The following WNT7A variants were observed in gnomAD, a reference collection of about 807,000 sequenced individuals.
WNT7A encodes the protein protein Wnt-7a.
WNT7A carries 16 observed loss-of-function variants against 28.2 expected under a neutral mutation model. That is an observed-to-expected ratio of 0.57 (90% confidence interval 0.38 to 0.86). WNT7A has a LOEUF of 0.86. Among genes scored for constraint, WNT7A ranks in the 40% least tolerant of loss-of-function variants. WNT7A has a pLI of 0.00. For missense variants in WNT7A, 411 were observed against 489.7 expected (o/e 0.84, Z 1.52); for synonymous variants, 190 against 195.9 (o/e 0.97, Z 0.25).
At chr3:13,875,241 T>C (rs977169821) in intron 1 of WNT7A, 68 bp from the exon 2 acceptor site, 1 of 1,559,144 alleles carries the variant, frequency 6.4e-7, no homozygotes, top group Non-Finnish European at 8.8e-7. Context: ...GAACCCTTCG[T>C]AGGTGTCCAG....
intron 2 of WNT7A, among the ~76,000 whole-genome samples, chr3:13,861,000 G>C (rs1297114664): frequency 6.6e-6 from 1 of 152,206 alleles, no homozygotes; most frequent in South Asian, 2.1e-4. Flanking sequence ...CGTGGGAGGT[G>C]GGGGCTGCTA....
chr3:13,823,592 A>T (rs1371623926), intron 3 of WNT7A, among the ~76,000 whole-genome samples: 1 of 152,268 alleles, frequency 6.6e-6, no homozygotes, highest in Non-Finnish European at 1.5e-5. Context: ...GGCTTGGAGC[A>T]GCTGGCAGAA....
At chr3:13,856,961 A>G (rs1694752278) in intron 2 of WNT7A, among the ~76,000 whole-genome samples, 1 of 122,388 alleles carries the variant, frequency 8.2e-6, no homozygotes, top group South Asian at 2.7e-4. Context: ...AAGAAGAAGA[A>G]GAAGAAGGAG....
rs542418295 is a variant in WNT7A, at chr3:13,850,097, G to T, written c.570+4435C>A. On this transcript the variant is annotated intron_variant, in intron 3 of 3. Coordinates refer to ENST00000285018, the MANE Select transcript of WNT7A (RefSeq NM_004625.4). The stretch of plus-strand genomic sequence containing the variant: ...GCTCCAAGTCCCCTGAGTCCTGGCT[G>T]CAAGCCTTTCCATTCGCAAGGGCAA... 1.4e-4 allele frequency among the ~76,000 whole-genome samples: 22 copies of T among 152,366 alleles called. No individual in the cohort carries two copies. In the South Asian group the frequency reaches 3.7e-3, roughly 26 times the overall value.
intron 3 of WNT7A, among the ~76,000 whole-genome samples, chr3:13,835,679 G>A (rs1465226575): frequency 2.0e-5 from 3 of 152,204 alleles, no homozygotes. Context: ...CGAGGCTGGG[G>A]GAACACTAAC....
Position 13,818,921 on chromosome 3 carries a change from G to T in WNT7A, c.*23C>A. 6.4e-7 allele frequency: 1 copy of T among 1,550,768 alleles called. No individual in the cohort carries two copies. Among genetic ancestry groups the T allele is most frequent in the Non-Finnish European group, 8.7e-7 (1 of 1,143,018 alleles). On this transcript the variant is annotated 3_prime_UTR_variant, in exon 4 of 4. Coordinates refer to ENST00000285018, the MANE Select transcript of WNT7A (RefSeq NM_004625.4). ...CCTCCCAGCAATCTGACTTGCAGCG[G>T]GAGGGTGGTGTGCACACGGGGCTCA...
Position 13,824,615 on chromosome 3 carries a change from G to A in WNT7A, c.571-5192C>T, listed in dbSNP as rs184522603. On this transcript the variant is annotated intron_variant, in intron 3 of 3. Coordinates refer to ENST00000285018, the MANE Select transcript of WNT7A (RefSeq NM_004625.4). ...CACCTGGCTCCTCTGCAGCAGGGCC[G>A]AGCCGAGCCCCACCCTCCTGGCCCC... is the stretch of plus-strand genomic sequence containing the variant. Among the ~76,000 whole-genome samples the A allele has an allele frequency of 4.5e-3, 687 of 152,246 alleles. 4 individuals carry two copies. The highest frequency in any genetic ancestry group is 0.015 in the African/African-American group (619 of 41,542).
At chr3:13,869,443 G>T (rs1559307653) in intron 2 of WNT7A, among the ~76,000 whole-genome samples, 1 of 131,952 alleles carries the variant, frequency 7.6e-6, no homozygotes, top group Non-Finnish European at 1.6e-5. Flanking sequence ...AGAAAGAAAA[G>T]AAAAAGAAAG....
chr3:13,846,212 T>TA (rs1389619481), intron 3 of WNT7A, among the ~76,000 whole-genome samples: 1 of 152,180 alleles, frequency 6.6e-6, no homozygotes, highest in Non-Finnish European at 1.5e-5. Context: ...AATGACCACA[T>TA]AGTGGGGCCT....
chr3:13,874,638 G>A (rs1035305710), intron 2 of WNT7A, among the ~76,000 whole-genome samples: 3 of 152,146 alleles, frequency 2.0e-5, no homozygotes, highest in African/African-American at 7.2e-5. Context: ...CTATATTTTA[G>A]GTGAAACAAC....
intron 2 of WNT7A, among the ~76,000 whole-genome samples, chr3:13,861,435 C>T (rs1437187483): frequency 6.6e-6 from 1 of 152,248 alleles, no homozygotes; most frequent in African/African-American, 2.4e-5. Context: ...CATGAGGAAA[C>T]TCAGATGAGG....
intron 2 of WNT7A, among the ~76,000 whole-genome samples, chr3:13,859,583 A>G (rs1469304882): frequency 1.3e-5 from 2 of 152,160 alleles, no homozygotes; most frequent in Non-Finnish European, 2.9e-5. Context: ...TTAGCTGCTG[A>G]TTATCTGTTC....
At position 13,879,535 on chromosome 3, in the gene WNT7A, C is replaced by G. The variant is rs73023640; in HGVS notation, c.71+211G>C. 7.3e-3 allele frequency among the ~76,000 whole-genome samples: 1,108 copies of G among 152,304 alleles called. 9 individuals carry two copies. The highest frequency in any genetic ancestry group is 0.012 in the Non-Finnish European group (850 of 68,008). The stretch of plus-strand genomic sequence containing the variant: ...GGTCCTGGGGGATTCCAGACTCAGA[C>G]GTCCTCAGGATGGCCAGTCCCCCTG... On this transcript the variant is annotated intron_variant, in intron 1 of 3. Coordinates refer to ENST00000285018, the MANE Select transcript of WNT7A (RefSeq NM_004625.4).
At chr3:13,840,808 C>A (rs913428243) in intron 3 of WNT7A, among the ~76,000 whole-genome samples, 1 of 152,156 alleles carries the variant, frequency 6.6e-6, no homozygotes, top group African/African-American at 2.4e-5. Flanking sequence ...TGCATGCATG[C>A]ATGCATCCAT....
intron 2 of WNT7A, among the ~76,000 whole-genome samples, chr3:13,864,281 C>T (rs1424122838): frequency 6.6e-6 from 1 of 152,160 alleles, no homozygotes; most frequent in Non-Finnish European, 1.5e-5. Context: ...AAGCAAACCC[C>T]CTGAGTCTGG....
chr3:13,870,327 T>C (rs1385320824), intron 2 of WNT7A, among the ~76,000 whole-genome samples: 1 of 152,116 alleles, frequency 6.6e-6, no homozygotes, highest in Admixed American at 6.5e-5. Flanking sequence ...GGGGCACATA[T>C]ACAAGGGGAA....
chr3:13,819,567 G>C, intron 3 of WNT7A, 144 bp from the exon 4 acceptor site: 1 of 1,203,734 alleles, frequency 8.3e-7, no homozygotes, highest in Non-Finnish European at 1.1e-6. Flanking sequence ...AGGAAACTCA[G>C]ACCTGGATTC....
chr3:13,868,158 A>G (rs1316732269), intron 2 of WNT7A, among the ~76,000 whole-genome samples: 4 of 152,144 alleles, frequency 2.6e-5, no homozygotes, highest in African/African-American at 4.8e-5. Context: ...GTGGATGACA[A>G]GTTGTGTTGG....
At chr3:13,830,789 G>C (rs1356909353) in intron 3 of WNT7A, among the ~76,000 whole-genome samples, 1 of 152,144 alleles carries the variant, frequency 6.6e-6, no homozygotes, top group African/African-American at 2.4e-5. Context: ...CCAGCCCTAA[G>C]GCCTTTTTAG....
Sources: gnomAD v4.1 joint callset for allele counts (sites outside exome capture counted in the v4.1 genomes callset) on GRCh38, gnomAD v4.1.1 for gene constraint, MANE v1.5 for transcripts, NCBI Gene and HGNC (gene_info 2026-07-23, HGNC 2026-07-21) for gene names.